Variants in PARD3 observed in about 807,000 individuals in gnomAD.
The protein encoded by PARD3 is par-3 family cell polarity regulator.
Under a neutral mutation model 155.4 loss-of-function variants are expected in PARD3, and 75 were observed. The observed-to-expected ratio is 0.48, with a 90% CI of 0.40 to 0.58. PARD3 has a LOEUF of 0.58. Ranked by LOEUF, PARD3 falls within the 20% of genes least tolerant of loss-of-function variation. PARD3 has a pLI of 0.00. For synonymous variants in PARD3, 576 were observed against 610.5 expected, an observed-to-expected ratio of 0.94 and a Z score of 0.83; for missense variants, 1,642 against 1,721.7, an observed-to-expected ratio of 0.95 and a Z score of 0.82.
At chr10:34,257,696 T>C (rs1300514213) in intron 22 of PARD3, among the ~76,000 whole-genome samples, 1 of 152,238 alleles carries the variant, frequency 6.6e-6, no homozygotes, top group Non-Finnish European at 1.5e-5. Context: ...ATATTTAAAC[T>C]TCCTCTAAGG....
At chr10:34,316,972 C>A in intron 20 of PARD3, 135 bp downstream of exon 20, 1 of 640,926 alleles carries the variant, frequency 1.6e-6, no homozygotes, top group Non-Finnish European at 2.4e-6. Flanking sequence ...TGGGCTCCAG[C>A]ATTCCTCCCA....
chr10:34,454,715 G>A (rs1030294969), intron 4 of PARD3, among the ~76,000 whole-genome samples: 1 of 152,104 alleles, frequency 6.6e-6, no homozygotes, highest in Non-Finnish European at 1.5e-5. Context: ...AGCTTTGTGC[G>A]AGGTGGGAAA....
chr10:34,568,037 G>A (rs1158423595), intron 2 of PARD3, among the ~76,000 whole-genome samples: 1 of 152,180 alleles, frequency 6.6e-6, no homozygotes, highest in Non-Finnish European at 1.5e-5. Context: ...CATTCACTAG[G>A]CAGCTTTCTT....
Position 34,645,287 on chromosome 10 carries a change from C to T in PARD3, c.222+51031G>A, listed in dbSNP as rs185080579. ...GTGATATGATCTCGGCTCACTGTAA[C>T]CTCTACCTCCCAGGTTCAAGAGATT... On this transcript the variant is annotated intron_variant, in intron 2 of 24. Coordinates refer to ENST00000374788, the MANE Select transcript of PARD3 (RefSeq NM_001184785.2). Among the ~76,000 whole-genome samples the T allele has an allele frequency of 3.3e-3, 508 of 152,116 alleles. 1 individual carries two copies. Among genetic ancestry groups the T allele is most frequent in the Non-Finnish European group, 4.9e-3 (332 of 68,012 alleles).
intron 12 of PARD3, among the ~76,000 whole-genome samples, chr10:34,362,745 T>C (rs563442054): frequency 1.3e-5 from 2 of 152,350 alleles, no homozygotes; most frequent in East Asian, 1.9e-4. Flanking sequence ...TCCACGCACT[T>C]TGGCTTCCCA....
intron 2 of PARD3, among the ~76,000 whole-genome samples, chr10:34,667,006 T>C (rs964016214): frequency 2.6e-5 from 4 of 151,598 alleles, no homozygotes; most frequent in African/African-American, 4.8e-5. Context: ...CTGTCTCTAC[T>C]AGAAATACAA....
intron 19 of PARD3, among the ~76,000 whole-genome samples, chr10:34,329,898 A>G (rs1462099284): frequency 6.6e-6 from 1 of 152,182 alleles, no homozygotes; most frequent in African/African-American, 2.4e-5. Flanking sequence ...TAAGCAATGT[A>G]TATTAACGTA....
intron 12 of PARD3, among the ~76,000 whole-genome samples, chr10:34,370,485 G>A (rs932484790): frequency 1.3e-5 from 2 of 152,136 alleles, no homozygotes; most frequent in African/African-American, 4.8e-5. Flanking sequence ...TCGCTGTGTT[G>A]CCCAGACTGG....
chr10:34,381,961 GGAAAA>G (rs1392682034), intron 9 of PARD3, among the ~76,000 whole-genome samples: 1 of 135,738 alleles, frequency 7.4e-6, no homozygotes, highest in Non-Finnish European at 1.6e-5. Context: ...AGAAAAGAGA[GGAAAA>G]GAAAAGAAAA....
rs78462157 is a variant in PARD3, at chr10:34,573,922, G to C, written c.223-56763C>G. ...GTGGGAGGTGTTTTGACATTGTGAA[G>C]GCATTTGTTTCCAGTTTAGTCATGC... On this transcript the variant is annotated intron_variant, in intron 2 of 24. Transcript: ENST00000374788. Among the ~76,000 whole-genome samples, 686 of 152,222 alleles carry C rather than the reference G, an allele frequency of 4.5e-3. 11 individuals carry two copies. Among genetic ancestry groups the C allele is most frequent in the East Asian group, 0.024 (122 of 5,176 alleles).
intron 22 of PARD3, among the ~76,000 whole-genome samples, chr10:34,239,344 G>A (rs886725417): frequency 6.6e-6 from 1 of 152,224 alleles, no homozygotes; most frequent in Non-Finnish European, 1.5e-5. Context: ...CAGCCTGGTG[G>A]ACATCAGTAC....
At chr10:34,562,160 T>TG (rs1231788465) in intron 2 of PARD3, among the ~76,000 whole-genome samples, 2 of 127,374 alleles carry the variant, frequency 1.6e-5, no homozygotes, top group African/African-American at 6.0e-5. Context: ...AAAGGCTTGT[T>TG]GGGGGGTGGC....
chr10:34,741,018 A>G (rs2095000656), intron 1 of PARD3, among the ~76,000 whole-genome samples: 4 of 152,070 alleles, frequency 2.6e-5, no homozygotes, highest in Admixed American at 6.6e-5. Flanking sequence ...TTTCCCCCTA[A>G]AACAAATATT....
intron 22 of PARD3, among the ~76,000 whole-genome samples, chr10:34,169,390 A>C (rs929360525): frequency 6.6e-6 from 1 of 152,164 alleles, no homozygotes; most frequent in Non-Finnish European, 1.5e-5. Context: ...ATGACAAAAG[A>C]AGCTGGATAT....
chr10:34,229,813 C>T (rs1468169124), intron 22 of PARD3, among the ~76,000 whole-genome samples: 1 of 151,962 alleles, frequency 6.6e-6, no homozygotes, highest in Non-Finnish European at 1.5e-5. Flanking sequence ...AAACAAATAA[C>T]CAAAGGAGAG....
intron 5 of PARD3, among the ~76,000 whole-genome samples, chr10:34,418,050 G>A (rs1254383677): frequency 1.3e-5 from 2 of 152,172 alleles, no homozygotes; most frequent in South Asian, 2.1e-4. Context: ...AAAAAGGAGT[G>A]TAATTCTATA....
intron 20 of PARD3, among the ~76,000 whole-genome samples, chr10:34,307,766 C>T (rs1476705771): frequency 6.6e-6 from 1 of 152,158 alleles, no homozygotes; most frequent in Admixed American, 6.5e-5. Flanking sequence ...ATCTGTTACA[C>T]TTACTGGGCA....
At chr10:34,663,075 T>A (rs575088454) in intron 2 of PARD3, among the ~76,000 whole-genome samples, 1 of 151,862 alleles carries the variant, frequency 6.6e-6, no homozygotes, top group East Asian at 1.9e-4. Context: ...AGTTAATGAG[T>A]ACAAAAATAC....
At chr10:34,784,811 G>A (rs745500179) in intron 1 of PARD3, among the ~76,000 whole-genome samples, 45 of 152,214 alleles carry the variant, frequency 3.0e-4, no homozygotes, top group Non-Finnish European at 5.7e-4. Context: ...GTGGAAGGCT[G>A]GGAAAGTTAA....
Sources: allele counts gnomAD v4.1 joint callset (sites outside exome capture counted in the v4.1 genomes callset), GRCh38; gene constraint gnomAD v4.1.1; transcripts MANE v1.5; gene names NCBI Gene and HGNC (gene_info 2026-07-23, HGNC 2026-07-21).